PTBP3: variants seen among roughly 807,000 people sequenced by gnomAD.
PTBP3 encodes the protein polypyrimidine tract binding protein 3.
Under a neutral mutation model 58.7 loss-of-function variants are expected in PTBP3, and 20 were observed. The observed-to-expected ratio is 0.34, with a 90% confidence interval of 0.24 to 0.50. The LOEUF (loss-of-function observed/expected upper bound fraction) is 0.50. Ranked by LOEUF, PTBP3 falls within the 20% of genes least tolerant of loss-of-function variation. The pLI, the probability that PTBP3 is intolerant of heterozygous loss-of-function variation, is 0.98. For missense variants in PTBP3, 509 were observed against 637.2 expected, an observed-to-expected ratio of 0.80 and a Z score of 2.17; for synonymous variants, 185 against 219.8, an observed-to-expected ratio of 0.84 and a Z score of 1.40.
intron 1 of PTBP3, among the ~76,000 whole-genome samples, chr9:112,323,309 C>T (rs1830026087): frequency 6.6e-6 from 1 of 152,210 alleles, no homozygotes; most frequent in African/African-American, 2.4e-5. Flanking sequence ...GGAATCACCT[C>T]GGATCATGCC....
downstream of PTBP3, chr9:112,218,123 G>A (rs953957427): frequency 7.9e-5 from 12 of 152,230 alleles, no homozygotes; most frequent in African/African-American, 2.4e-4. Flanking sequence ...AGAAAAAGGA[G>A]AGTGAGTGTG....
chr9:112,230,489 T>A (rs1318125454), intron 10 of PTBP3, among the ~76,000 whole-genome samples: 1 of 152,152 alleles, frequency 6.6e-6, no homozygotes. Flanking sequence ...CTTTTCTAGA[T>A]AAAACATGAC....
chr9:112,319,135 AAAAAAAAAAG>A (rs1829820831), intron 1 of PTBP3, among the ~76,000 whole-genome samples: 1 of 148,548 alleles, frequency 6.7e-6, no homozygotes, highest in African/African-American at 2.4e-5. Flanking sequence ...CTCAAGAAAA[AAAAAAAAAAG>A]AAAGAAAATT....
chr9:112,303,166 T>C (rs1042544526), intron 1 of PTBP3, among the ~76,000 whole-genome samples: 7 of 152,192 alleles, frequency 4.6e-5, no homozygotes, highest in Non-Finnish European at 1.0e-4. Context: ...AAATAAATCA[T>C]ACTTATTCTG....
the PTBP3 span, among the ~76,000 whole-genome samples, chr9:112,365,332 T>C: frequency 6.6e-6 from 1 of 152,128 alleles, no homozygotes; most frequent in Non-Finnish European, 1.5e-5. Context: ...CAGTGGGAGA[T>C]AATTGAATCA....
chr9:112,258,274 G>A (rs538303320), intron 5 of PTBP3, among the ~76,000 whole-genome samples: 1 of 152,276 alleles, frequency 6.6e-6, no homozygotes, highest in South Asian at 2.1e-4. Context: ...CATGCACAAT[G>A]ACACTTTTTA....
chr9:112,221,292 CACAA>C lies in PTBP3; in HGVS notation c.*2555_*2558del, dbSNP rs1295640824. The C allele has an allele frequency of 3.0e-6, 3 of 985,708 alleles. No homozygotes were observed. The highest frequency in any genetic ancestry group is 3.5e-5 in the African/African-American group (2 of 57,332). The allele number at this position is 985,708 out of a possible 1,614,324, so 61.1% of individuals were successfully genotyped here. A position where few individuals can be genotyped will look rare whatever the true frequency, so the allele number is the denominator to read the frequency against. ...ACACACACACACATTCACACACACACACAAACACACCCCTACACAAATCCCTGAA... is the reference window on the plus strand; with the variant it reads ...ACACACACACACATTCACACACACACACACACCCCTACACAAATCCCTGAA... On this transcript the variant is annotated 3_prime_UTR_variant, in exon 14 of 14. Coordinates refer to ENST00000374257, the MANE Select transcript of PTBP3 (RefSeq NM_001163788.4).
intron 2 of PTBP3, among the ~76,000 whole-genome samples, chr9:112,292,637 C>A (rs1828489496): frequency 6.6e-6 from 1 of 152,058 alleles, no homozygotes; most frequent in South Asian, 2.1e-4. Context: ...CATAAATGAA[C>A]CTTGAGGACA....
At chr9:112,367,511 T>C in the PTBP3 span, among the ~76,000 whole-genome samples, 1 of 152,278 alleles carries the variant, frequency 6.6e-6, no homozygotes, top group South Asian at 2.1e-4. Context: ...ATTACTGACC[T>C]TCAGAACAGT....
chr9:112,334,470 AG>A (rs1254698890), upstream of PTBP3, among the ~76,000 whole-genome samples: 1 of 152,184 alleles, frequency 6.6e-6, no homozygotes, highest in Non-Finnish European at 1.5e-5. Flanking sequence ...CTGAGCAAAA[AG>A]TATATATATA....
At chr9:112,376,054 G>A in the PTBP3 span, among the ~76,000 whole-genome samples, 10 of 151,544 alleles carry the variant, frequency 6.6e-5, no homozygotes, top group South Asian at 2.1e-3. Context: ...GGCCCAAGTG[G>A]CAGAACAGCT....
intron 5 of PTBP3, among the ~76,000 whole-genome samples, chr9:112,261,975 A>G (rs1836616262): frequency 6.6e-6 from 1 of 152,212 alleles, no homozygotes; most frequent in Non-Finnish European, 1.5e-5. Flanking sequence ...TGGGTAGTGT[A>G]TGAAGCTTAG....
At chr9:112,350,967 T>G in the PTBP3 span, among the ~76,000 whole-genome samples, 2 of 151,952 alleles carry the variant, frequency 1.3e-5, no homozygotes, top group African/African-American at 4.8e-5. Context: ...CCCAGCTAAT[T>G]TTTGTATTTT....
the PTBP3 span, among the ~76,000 whole-genome samples, chr9:112,354,223 C>T: frequency 6.6e-6 from 1 of 152,090 alleles, no homozygotes; most frequent in East Asian, 1.9e-4. Flanking sequence ...AATAATAGCC[C>T]TGTGCAAAAA....
intron 1 of PTBP3, among the ~76,000 whole-genome samples, chr9:112,323,064 A>G (rs548435814): frequency 3.3e-4 from 51 of 152,352 alleles, no homozygotes; most frequent in Non-Finnish European, 5.4e-4. Flanking sequence ...ACTCAGCAAC[A>G]TAGAGAAACC....
chr9:112,324,049 A>T (rs1457031127), intron 1 of PTBP3, among the ~76,000 whole-genome samples: 1 of 152,160 alleles, frequency 6.6e-6, no homozygotes, highest in East Asian at 1.9e-4. Context: ...AGGTACAGGG[A>T]CAAGAATTAC....
chr9:112,302,816 C>T (rs1392090755), intron 1 of PTBP3, among the ~76,000 whole-genome samples: 1 of 152,126 alleles, frequency 6.6e-6, no homozygotes, highest in Admixed American at 6.6e-5. Flanking sequence ...TCTCGAACTC[C>T]TGACCTCAAG....
At chr9:112,238,181 T>G (rs1835508114) in intron 7 of PTBP3, among the ~76,000 whole-genome samples, 1 of 151,842 alleles carries the variant, frequency 6.6e-6, no homozygotes, top group South Asian at 2.1e-4. Context: ...GATACTAAAT[T>G]AAGCAGATGA....
chr9:112,260,071 C>A (rs1225726294), intron 5 of PTBP3, among the ~76,000 whole-genome samples: 1 of 152,096 alleles, frequency 6.6e-6, no homozygotes, highest in African/African-American at 2.4e-5. Context: ...GCACACCCGG[C>A]TAATTTTTTA....
Sources: allele counts gnomAD v4.1 joint callset (sites outside exome capture counted in the v4.1 genomes callset), GRCh38; gene constraint gnomAD v4.1.1; transcripts MANE v1.5; gene names NCBI Gene and HGNC (gene_info 2026-07-23, HGNC 2026-07-21).